MIER1: variants seen among roughly 807,000 people sequenced by gnomAD.
MIER1 encodes MIER1 transcriptional regulator.
MIER1 carries 40 observed loss-of-function variants against 75.7 expected under a neutral mutation model. That is an observed-to-expected ratio of 0.53 (90% CI 0.41 to 0.69). The LOEUF (loss-of-function observed/expected upper bound fraction) is 0.69. Among genes scored for constraint, MIER1 ranks in the 30% least tolerant of loss-of-function variants. The pLI is 0.00. For synonymous variants in MIER1, 213 were observed against 223.4 expected, an observed-to-expected ratio of 0.95 and a Z score of 0.42; for missense variants, 574 against 680.2, an observed-to-expected ratio of 0.84 and a Z score of 1.74.
intron 1 of MIER1, 172 bp downstream of exon 1, chr1:66,925,267 C>T (rs1009026079): frequency 2.0e-6 from 2 of 984,258 alleles, no homozygotes; most frequent in South Asian, 4.7e-5. Context: ...CTGGCTTGCT[C>T]TCCGCCGGCT....
rs571184213 is a variant in MIER1, at chr1:66,944,890, T to G, written c.194-1260T>G. The stretch of plus-strand genomic sequence containing the variant: ...ACAGGCACACAGCACCACACCCAGC[T>G]AATTTTTAAATTTTTTGTAGAGACG... On this transcript the variant is annotated intron_variant, in intron 3 of 13. Coordinates refer to ENST00000401041, the MANE Select transcript of MIER1 (RefSeq NM_001077700.3). 5.9e-5 allele frequency among the ~76,000 whole-genome samples: 9 copies of G among 152,064 alleles called. No homozygotes were observed. The East Asian group carries it at 1.7e-3, about 29-fold the overall frequency.
intron 2 of MIER1, among the ~76,000 whole-genome samples, chr1:66,929,653 T>TA (rs1384928016): frequency 5.9e-5 from 9 of 152,362 alleles, no homozygotes; most frequent in African/African-American, 2.2e-4. Context: ...ATTCAGTACA[T>TA]AACTGTGTTG....
chr1:66,930,355 G>A (rs1264171705), intron 2 of MIER1: 2 of 1,606,334 alleles, frequency 1.2e-6, no homozygotes, highest in Non-Finnish European at 1.7e-6. Flanking sequence ...ACCCAGCTGC[G>A]GCCGCCGCGG....
chr1:66,942,034 T>G (rs1226435786), intron 3 of MIER1, among the ~76,000 whole-genome samples: 4 of 151,114 alleles, frequency 2.6e-5, no homozygotes, highest in African/African-American at 9.7e-5. Context: ...ACAGATAGAA[T>G]GTTTATATTT....
intron 8 of MIER1, among the ~76,000 whole-genome samples, chr1:66,968,982 G>A (rs767156821): frequency 3.9e-5 from 6 of 152,138 alleles, no homozygotes; most frequent in East Asian, 1.9e-4. Context: ...AAGAACTTTC[G>A]TCTGCAGAGA....
At chr1:66,976,937 A>T (rs996266248) in intron 12 of MIER1, among the ~76,000 whole-genome samples, 1 of 152,180 alleles carries the variant, frequency 6.6e-6, no homozygotes, top group African/African-American at 2.4e-5. Flanking sequence ...TCAGTGTCTT[A>T]TGAAATATTG....
intron 2 of MIER1, among the ~76,000 whole-genome samples, chr1:66,930,052 C>G (rs1330119941): frequency 1.3e-5 from 2 of 152,120 alleles, no homozygotes; most frequent in Non-Finnish European, 2.9e-5. Flanking sequence ...GCCAGCGAAG[C>G]GCCCCGCGCG....
chr1:66,966,931 A>G (rs1662534984), intron 8 of MIER1, among the ~76,000 whole-genome samples: 2 of 152,118 alleles, frequency 1.3e-5, no homozygotes, highest in African/African-American at 4.8e-5. Flanking sequence ...TAAGATGGGT[A>G]GTTTGCAAAT....
Position 66,969,875 on chromosome 1 carries a change from T to C in MIER1, c.773-933T>C, listed in dbSNP as rs575745181. 1.9e-3 allele frequency among the ~76,000 whole-genome samples: 283 copies of C among 152,336 alleles called. 2 individuals carry two copies. The highest frequency in any genetic ancestry group is 0.01 in the Middle Eastern group (3 of 294). On this transcript the variant is annotated intron_variant, in intron 8 of 13. Coordinates refer to ENST00000401041, the MANE Select transcript of MIER1 (RefSeq NM_001077700.3). Reference sequence around the variant, plus strand: ...CAGTCTTATCCAATGTGGCTTCTGCTTCCATCTCTCTACAGAAAGTTCTCA... The same window carrying C: ...CAGTCTTATCCAATGTGGCTTCTGCCTCCATCTCTCTACAGAAAGTTCTCA...
chr1:66,952,153 T>C (rs1361571491), intron 4 of MIER1, among the ~76,000 whole-genome samples: 1 of 152,240 alleles, frequency 6.6e-6, no homozygotes, highest in African/African-American at 2.4e-5. Context: ...ACATAATTTT[T>C]TCTTTCACTC....
At chr1:66,976,552 G>T in intron 11 of MIER1, 43 bp from the exon 12 acceptor site, 1 of 1,522,704 alleles carries the variant, frequency 6.6e-7, no homozygotes. Context: ...AAGTAACTTT[G>T]TTAAAAAGGA....
In MIER1 at chr1:66,984,961, T is replaced by C; in HGVS notation, c.*61T>C. The C allele has an allele frequency of 6.7e-7, 1 of 1,499,480 alleles. No homozygotes were observed. Among genetic ancestry groups the C allele is most frequent in the Middle Eastern group, 2.1e-4 (1 of 4,850 alleles). The allele number at this position is 1,499,480 out of a possible 1,614,324, so 92.9% of individuals were successfully genotyped here. ...CTGGTGTGACTAAAATTTTCAGGGT[T>C]GATGGGTTACCTTAAAAAGTTGATT... On this transcript the variant is annotated 3_prime_UTR_variant, in exon 14 of 14. Coordinates refer to ENST00000401041, the MANE Select transcript of MIER1 (RefSeq NM_001077700.3).
Position 66,952,231 on chromosome 1 carries a change from G to A in MIER1, c.340-5828G>A, listed in dbSNP as rs535376959. ...GAATAAAACACTGTGCCACTTTATT[G>A]TGATGTTTCAATTTAAGTTGAAGTA... On this transcript the variant is annotated intron_variant, in intron 4 of 13. Coordinates refer to ENST00000401041, the MANE Select transcript of MIER1 (RefSeq NM_001077700.3). Among the ~76,000 whole-genome samples, 6 of 152,228 alleles carry A rather than the reference G, an allele frequency of 3.9e-5. No individual in the cohort carries two copies. The East Asian group carries it at 9.6e-4, about 24-fold the overall frequency.
At chr1:66,943,803 C>T (rs1226249709) in intron 3 of MIER1, among the ~76,000 whole-genome samples, 1 of 152,152 alleles carries the variant, frequency 6.6e-6, no homozygotes, top group Non-Finnish European at 1.5e-5. Flanking sequence ...ATTCACTCGT[C>T]TTAGTACATA....
At chr1:66,942,210 A>G (rs1656413270) in intron 3 of MIER1, among the ~76,000 whole-genome samples, 1 of 152,230 alleles carries the variant, frequency 6.6e-6, no homozygotes, top group Non-Finnish European at 1.5e-5. Flanking sequence ...AAAATTTTTC[A>G]GTCCCCTGAT....
Position 66,944,222 on chromosome 1 carries a change from T to C in MIER1, c.194-1928T>C, listed in dbSNP as rs544197834. On this transcript the variant is annotated intron_variant, in intron 3 of 13. Transcript: ENST00000401041. ...CAAGAAGTCAGCTCTATCTCTTTGC[T>C]TTACTTATTGTTTATCTTTCTGGAG... 1.3e-3 allele frequency among the ~76,000 whole-genome samples: 195 copies of C among 152,192 alleles called. 1 individual carries two copies. The highest frequency in any genetic ancestry group is 4.5e-3 in the African/African-American group (189 of 41,554).
chr1:66,974,989 A>C (rs1664409368), intron 11 of MIER1, among the ~76,000 whole-genome samples: 1 of 152,184 alleles, frequency 6.6e-6, no homozygotes, highest in Non-Finnish European at 1.5e-5. Flanking sequence ...AGGAGACAAA[A>C]AACAGCTTGA....
chr1:66,963,854 G>A (rs867333985), intron 8 of MIER1, among the ~76,000 whole-genome samples: 1 of 151,976 alleles, frequency 6.6e-6, no homozygotes. Context: ...GTTGCAGTGA[G>A]CCAGTATCGC....
intron 4 of MIER1, chr1:66,946,799 C>T (rs1165529731): frequency 1.0e-6 from 1 of 984,782 alleles, no homozygotes; most frequent in African/African-American, 1.7e-5. Flanking sequence ...ATTCACTTTT[C>T]TCTCACTACC....
Sources: allele counts gnomAD v4.1 joint callset (sites outside exome capture counted in the v4.1 genomes callset), GRCh38; gene constraint gnomAD v4.1.1; transcripts MANE v1.5; gene names NCBI Gene and HGNC (gene_info 2026-07-23, HGNC 2026-07-21).